The following STK32B variants were observed in gnomAD, a reference collection of about 807,000 sequenced individuals.
The protein encoded by STK32B is serine/threonine kinase 32B.
In STK32B, 43 loss-of-function variants were observed where a neutral mutation model predicts 52.6. The ratio of observed to expected loss-of-function variants is 0.82; its 90% CI spans 0.64 to 1.05. STK32B has a LOEUF of 1.05. STK32B is among the 50% of genes least tolerant of loss of function. The pLI is 0.00. For missense variants in STK32B, 621 were observed against 534.6 expected (o/e 1.16, Z -1.59); for synonymous variants, 238 against 204.3 (o/e 1.17, Z -1.41).
intron 3 of STK32B, among the ~76,000 whole-genome samples, chr4:5,247,996 G>A (rs975162868): frequency 5.9e-5 from 9 of 152,082 alleles, no homozygotes; most frequent in Admixed American, 2.6e-4. Context: ...GCAGCCATGG[G>A]TTAGCTTCAG....
intron 3 of STK32B, among the ~76,000 whole-genome samples, chr4:5,302,673 A>G (rs66491039): frequency 0.14 from 21,942 of 151,950 alleles, 3,184 homozygotes; most frequent in African/African-American, 0.37. Context: ...GTTCTTTAGC[A>G]GTGATTTCCG....
Position 5,066,924 on chromosome 4 carries a change from G to A in STK32B, c.52+15009G>A, listed in dbSNP as rs374799338. Among the ~76,000 whole-genome samples the A allele has an allele frequency of 2.0e-4, 31 of 152,254 alleles. 1 individual carries two copies. The South Asian group carries it at 6.4e-3, about 32-fold the overall frequency. On this transcript the variant is annotated intron_variant, in intron 1 of 11. Transcript: ENST00000282908. ...TAGAAGGTCCCTGAAATTATCACAT[G>A]CTCCTTCATAGCATTGAACACAGTT...
intron 3 of STK32B, among the ~76,000 whole-genome samples, chr4:5,269,100 C>T (rs896319082): frequency 6.6e-6 from 1 of 152,100 alleles, no homozygotes; most frequent in Non-Finnish European, 1.5e-5. Flanking sequence ...GTTCATAGAT[C>T]AGTGTACCAG....
intron 3 of STK32B, among the ~76,000 whole-genome samples, chr4:5,309,393 A>T (rs572345848): frequency 6.6e-6 from 1 of 152,248 alleles, no homozygotes; most frequent in East Asian, 1.9e-4. Flanking sequence ...AAATCCTGAA[A>T]TTTTTATGAA....
At chr4:5,420,763 A>C (rs1246219324) in intron 6 of STK32B, among the ~76,000 whole-genome samples, 1 of 152,220 alleles carries the variant, frequency 6.6e-6, no homozygotes, top group Admixed American at 6.5e-5. Flanking sequence ...TAAGGGCAGC[A>C]GCTCCCATTA....
At chr4:5,101,041 A>G (rs1713757802) in intron 1 of STK32B, among the ~76,000 whole-genome samples, 1 of 151,974 alleles carries the variant, frequency 6.6e-6, no homozygotes. Context: ...TGGGACTCTC[A>G]GCTAATTAAA....
chr4:5,330,142 C>T (rs886417844), intron 3 of STK32B, among the ~76,000 whole-genome samples: 1 of 152,140 alleles, frequency 6.6e-6, no homozygotes, highest in African/African-American at 2.4e-5. Flanking sequence ...GCCTCAGTTT[C>T]CTGTTCTGTT....
chr4:5,224,573 C>G (rs912397173), intron 3 of STK32B, among the ~76,000 whole-genome samples: 9 of 152,286 alleles, frequency 5.9e-5, no homozygotes, highest in Admixed American at 5.2e-4. Context: ...CTGGTCTTTT[C>G]CTTCCTGGTT....
intron 3 of STK32B, among the ~76,000 whole-genome samples, chr4:5,203,308 G>A (rs951383685): frequency 3.9e-5 from 6 of 152,024 alleles, no homozygotes; most frequent in Non-Finnish European, 5.9e-5. Context: ...TGTTTCTGAC[G>A]TTCATTCATT....
intron 3 of STK32B, among the ~76,000 whole-genome samples, chr4:5,177,218 T>TAATC (rs1313304582): frequency 3.9e-5 from 6 of 152,142 alleles, no homozygotes; most frequent in Non-Finnish European, 8.8e-5. Flanking sequence ...AGGAAACTTA[T>TAATC]AATCAGGGCA....
chr4:5,201,845 C>T (rs1280466473), intron 3 of STK32B, among the ~76,000 whole-genome samples: 1 of 152,174 alleles, frequency 6.6e-6, no homozygotes, highest in Non-Finnish European at 1.5e-5. Context: ...CCTCCTCCCA[C>T]CAGGTCCCTT....
chr4:5,301,689 G>A (rs1729566679), intron 3 of STK32B, among the ~76,000 whole-genome samples: 1 of 136,374 alleles, frequency 7.3e-6, no homozygotes, highest in African/African-American at 2.7e-5. Context: ...GGACAGTCTA[G>A]CTAAAGTTTT....
chr4:5,111,412 T>C (rs1157380544), intron 1 of STK32B, among the ~76,000 whole-genome samples: 4 of 152,256 alleles, frequency 2.6e-5, no homozygotes, highest in South Asian at 2.1e-4. Context: ...TGTGTGTGTG[T>C]GCAATGGAAT....
intron 4 of STK32B, among the ~76,000 whole-genome samples, chr4:5,332,657 C>A (rs1577358715): frequency 6.6e-6 from 1 of 152,120 alleles, no homozygotes; most frequent in Admixed American, 6.5e-5. Context: ...TGCCTCCACC[C>A]CACAACAGTC....
At chr4:5,117,140 T>C (rs1037213539) in intron 1 of STK32B, among the ~76,000 whole-genome samples, 1 of 152,220 alleles carries the variant, frequency 6.6e-6, no homozygotes, top group African/African-American at 2.4e-5. Flanking sequence ...TTCTTTTTCT[T>C]GTCTAATTGC....
intron 3 of STK32B, among the ~76,000 whole-genome samples, chr4:5,231,394 T>G (rs1270796762): frequency 6.6e-6 from 1 of 152,184 alleles, no homozygotes; most frequent in Non-Finnish European, 1.5e-5. Flanking sequence ...AAAGATCGCT[T>G]GAGGCCAGGA....
At chr4:5,316,771 AT>A (rs1730861388) in intron 3 of STK32B, among the ~76,000 whole-genome samples, 1 of 10,672 alleles carries the variant, frequency 9.4e-5, no homozygotes, top group African/African-American at 5.3e-4. Flanking sequence ...TATATTATAT[AT>A]ATTATATATT....
rs1735837702 is a variant in STK32B at position 5,380,014 on chromosome 4, A to G, written c.435-18193A>G. Among the ~76,000 whole-genome samples the G allele has an allele frequency of 6.6e-6, 1 of 152,154 alleles. No individual in the cohort carries two copies. The highest frequency in any genetic ancestry group is 1.5e-5 in the Non-Finnish European group (1 of 68,024). ...GACTCCCAGGGCTGCAGCTGTAGCT[A>G]CCACCGTCAGAGACAGGCCCTGAGG... On this transcript the variant is annotated intron_variant, in intron 4 of 11. Transcript: ENST00000282908. The surrounding 1 kb of genome is among the most constrained non-coding windows in gnomAD (Gnocchi z 4.3).
chr4:5,157,534 T>C (rs1478373388), intron 2 of STK32B, among the ~76,000 whole-genome samples: 1 of 152,028 alleles, frequency 6.6e-6, no homozygotes, highest in Non-Finnish European at 1.5e-5. Context: ...ACCCAACTGC[T>C]GAGAAAGAAA....
Sources: allele counts gnomAD v4.1 joint callset (sites outside exome capture counted in the v4.1 genomes callset), GRCh38; gene constraint gnomAD v4.1.1; non-coding constraint Gnocchi (gnomAD v3.1); transcripts MANE v1.5; gene names NCBI Gene and HGNC (gene_info 2026-07-23, HGNC 2026-07-21).